CRPPA: variants seen among roughly 807,000 people sequenced by gnomAD.
CRPPA encodes the protein D-ribitol-5-phosphate cytidylyltransferase.
In CRPPA, 43 loss-of-function variants were observed where a neutral mutation model predicts 52.0. That is an observed-to-expected ratio of 0.83 (90% CI 0.65 to 1.07). The LOEUF is 1.07. Ranked by LOEUF, CRPPA falls within the 50% of genes least tolerant of loss-of-function variation. The pLI is 0.00. For missense variants in CRPPA, 629 were observed against 551.7 expected (o/e 1.14, Z -1.40); for synonymous variants, 250 against 203.5 (o/e 1.23, Z -1.94).
intron 3 of CRPPA, among the ~76,000 whole-genome samples, chr7:16,330,065 G>A (rs1785511640): frequency 6.6e-6 from 1 of 152,070 alleles, no homozygotes; most frequent in African/African-American, 2.4e-5. Flanking sequence ...TAAATTCTCT[G>A]GAACTAACTT....
At chr7:16,384,887 T>C (rs1011678504) in intron 2 of CRPPA, among the ~76,000 whole-genome samples, 1 of 152,138 alleles carries the variant, frequency 6.6e-6, no homozygotes, top group East Asian at 1.9e-4. Flanking sequence ...GATAAAGACC[T>C]CAAATCAGAA....
At chr7:16,376,696 C>T (rs1786897685) in intron 2 of CRPPA, among the ~76,000 whole-genome samples, 1 of 152,118 alleles carries the variant, frequency 6.6e-6, no homozygotes, top group Admixed American at 6.5e-5. Flanking sequence ...CTCAATAACC[C>T]AAACAATGTG....
intron 3 of CRPPA, among the ~76,000 whole-genome samples, chr7:16,342,988 C>T (rs2128306393): frequency 6.6e-6 from 1 of 151,130 alleles, no homozygotes; most frequent in African/African-American, 2.4e-5. Flanking sequence ...TGCAGTAAGC[C>T]AAGATGATGC....
intron 8 of CRPPA, among the ~76,000 whole-genome samples, chr7:16,238,569 A>T (rs184265594): frequency 3.9e-5 from 6 of 152,272 alleles, no homozygotes; most frequent in Admixed American, 3.9e-4. Context: ...ATTTAGACTT[A>T]ATCTGTAAAA....
intron 9 of CRPPA, among the ~76,000 whole-genome samples, chr7:16,134,905 A>G (rs917532550): frequency 6.6e-6 from 1 of 152,214 alleles, no homozygotes; most frequent in Non-Finnish European, 1.5e-5. Flanking sequence ...AATACTATGT[A>G]ATTTTTTTCT....
At chr7:16,099,395 G>C (rs991283590) in intron 9 of CRPPA, among the ~76,000 whole-genome samples, 2 of 118,544 alleles carry the variant, frequency 1.7e-5, no homozygotes, top group South Asian at 3.3e-4. Context: ...GGGGAGGGGA[G>C]AAGGAAGGGG....
chr7:16,302,159 G>A lies in CRPPA; in HGVS notation c.790-693C>T, dbSNP rs1360489028. 3.9e-5 allele frequency among the ~76,000 whole-genome samples: 6 copies of A among 152,142 alleles called. No homozygotes were observed. The East Asian group carries it at 5.8e-4, about 15-fold the overall frequency. On this transcript the variant is annotated intron_variant, in intron 4 of 9. Transcript: ENST00000407010. ...AAAATACAAAAAATTAGCCAGGCGC[G>A]GTGGCGGGCGCCTGTAGTCCCAGCT... is the stretch of plus-strand genomic sequence containing the variant.
intron 3 of CRPPA, among the ~76,000 whole-genome samples, chr7:16,355,212 C>A (rs1786263610): frequency 6.6e-6 from 1 of 152,132 alleles, no homozygotes; most frequent in African/African-American, 2.4e-5. Context: ...TAACTACCTT[C>A]TTAACTAAAA....
chr7:16,149,867 T>C (rs1055282428), intron 9 of CRPPA, among the ~76,000 whole-genome samples: 3 of 151,434 alleles, frequency 2.0e-5, no homozygotes, highest in Non-Finnish European at 4.4e-5. Flanking sequence ...TCACCTGCAG[T>C]CCCAACTACT....
At chr7:16,171,982 G>C (rs985442896) in intron 9 of CRPPA, among the ~76,000 whole-genome samples, 1 of 152,078 alleles carries the variant, frequency 6.6e-6, no homozygotes, top group Non-Finnish European at 1.5e-5. Flanking sequence ...TATCCTACAA[G>C]TAGCTATATT....
At chr7:16,147,111 T>C (rs1042200585) in intron 9 of CRPPA, among the ~76,000 whole-genome samples, 1 of 152,208 alleles carries the variant, frequency 6.6e-6, no homozygotes, top group Admixed American at 6.5e-5. Context: ...GCCTGCCTGC[T>C]GCCATGTAAG....
intron 3 of CRPPA, among the ~76,000 whole-genome samples, chr7:16,356,273 G>T (rs879428156): frequency 2.6e-5 from 4 of 152,112 alleles, no homozygotes; most frequent in African/African-American, 4.8e-5. Context: ...AGCAAGGAAG[G>T]TACTACCTTC....
chr7:16,128,403 T>A (rs1018249344), intron 9 of CRPPA, among the ~76,000 whole-genome samples: 7 of 152,166 alleles, frequency 4.6e-5, no homozygotes, highest in Admixed American at 1.3e-4. Context: ...TCTTCTTTTT[T>A]CAAAGAAAGG....
intron 3 of CRPPA, among the ~76,000 whole-genome samples, chr7:16,357,203 G>C (rs1319131885): frequency 6.7e-6 from 1 of 148,400 alleles, no homozygotes; most frequent in Non-Finnish European, 1.5e-5. Context: ...TTTTGAGACA[G>C]AGTCTCGCTC....
At chr7:16,385,189 A>G (rs1583566579) in intron 2 of CRPPA, among the ~76,000 whole-genome samples, 1 of 152,142 alleles carries the variant, frequency 6.6e-6, no homozygotes, top group African/African-American at 2.4e-5. Flanking sequence ...TAAGTACACA[A>G]CAATTTTGTA....
At chr7:16,400,083 C>G (rs1787765680) in intron 2 of CRPPA, among the ~76,000 whole-genome samples, 1 of 152,090 alleles carries the variant, frequency 6.6e-6, no homozygotes, top group South Asian at 2.1e-4. Flanking sequence ...ACGTGTATGA[C>G]ATGACTGTCA....
chr7:16,292,384 T>C (rs896976482), intron 5 of CRPPA, among the ~76,000 whole-genome samples: 13 of 151,884 alleles, frequency 8.6e-5, no homozygotes, highest in African/African-American at 2.7e-4. Context: ...TAGGTCCAAG[T>C]GGAGGAAGTA....
At chr7:16,366,666 C>G (rs977828181) in intron 3 of CRPPA, among the ~76,000 whole-genome samples, 3 of 151,622 alleles carry the variant, frequency 2.0e-5, no homozygotes, top group Non-Finnish European at 2.9e-5. Flanking sequence ...AGCCAAGTCA[C>G]CAGATCATTT....
intron 1 of CRPPA, among the ~76,000 whole-genome samples, chr7:16,409,556 A>G (rs750259373): frequency 2.0e-5 from 3 of 152,222 alleles, no homozygotes; most frequent in Non-Finnish European, 2.9e-5. Context: ...GAGATAGTCT[A>G]TTCTAGAAGT....
Sources: gnomAD v4.1 joint callset for allele counts (sites outside exome capture counted in the v4.1 genomes callset) on GRCh38, gnomAD v4.1.1 for gene constraint, MANE v1.5 for transcripts, NCBI Gene and HGNC (gene_info 2026-07-23, HGNC 2026-07-21) for gene names.